ABHD6: variants seen among roughly 807,000 people sequenced by gnomAD.
ABHD6 encodes abhydrolase domain containing 6, acylglycerol lipase.
A neutral mutation model predicts 38.8 loss-of-function variants in ABHD6; 33 were observed. The observed-to-expected ratio is 0.85, with a 90% CI of 0.64 to 1.14. The LOEUF is 1.14. Among genes scored for constraint, ABHD6 ranks in the 50% most tolerant of loss-of-function variants. The pLI is 0.00. For missense variants in ABHD6, 380 were observed against 422.6 expected (o/e 0.90, Z 0.88); for synonymous variants, 147 against 161.6 (o/e 0.91, Z 0.69).
rs747392615 is a variant in ABHD6 at position 58,286,533 on chromosome 3, GTC to G, written c.837+1084_837+1085del. On this transcript the variant is annotated intron_variant, in intron 9 of 9. Transcript: ENST00000478253. ...TAAACATTTTCAGCCTTGTGGTCCA[GTC>G]TCTGTCACACCTGGACACAGTTGAG... is the stretch of plus-strand genomic sequence containing the variant. Among the ~76,000 whole-genome samples the G allele has an allele frequency of 2.6e-5, 4 of 151,920 alleles. 1 individual carries two copies. The highest frequency in any genetic ancestry group is 5.9e-5 in the Non-Finnish European group (4 of 67,986).
chr3:58,265,720 G>T lies in ABHD6; in HGVS notation c.120-1469G>T, dbSNP rs1291256541. ...ATTTGTTTGGCTTATTGTTCTGGAG[G>T]TTGGGAAGCCCAAGAGAATGGCACC... On this transcript the variant is annotated intron_variant, in intron 3 of 9. Transcript: ENST00000478253. This position sits in a 1 kb window ranked among gnomAD's most constrained non-coding sequence, Gnocchi z 4.2. Among the ~76,000 whole-genome samples, 1 of 152,206 alleles carries T rather than the reference G, an allele frequency of 6.6e-6. No individual in the cohort carries two copies. The highest frequency in any genetic ancestry group is 1.5e-5 in the Non-Finnish European group (1 of 68,038).
At position 58,257,454 on chromosome 3, in the gene ABHD6, C is replaced by G. The variant is rs1343528782; in HGVS notation, c.119+749C>G. On this transcript the variant is annotated intron_variant, in intron 3 of 9. Coordinates refer to ENST00000478253, the MANE Select transcript of ABHD6 (RefSeq NM_001320126.2). This position sits in a 1 kb window ranked among gnomAD's most constrained non-coding sequence, Gnocchi z 4.8. ...CTCGGCTCACTGCAACCTCTGCCTC[C>G]CAGGCTCAAGCGATTCTCTTGCCTC... Among the ~76,000 whole-genome samples the G allele has an allele frequency of 1.3e-5, 2 of 152,008 alleles. No individual in the cohort carries two copies. The highest frequency in any genetic ancestry group is 3.9e-4 in the East Asian group (2 of 5,160).
chr3:58,245,996 C>T (rs555546525), intron 1 of ABHD6, among the ~76,000 whole-genome samples: 1 of 152,316 alleles, frequency 6.6e-6, no homozygotes, highest in African/African-American at 2.4e-5. Flanking sequence ...TAATTCCTTT[C>T]AGCCATGTGG....
In ABHD6 at chr3:58,267,183, T is replaced by C. The variant is rs1388579834; in HGVS notation, c.120-6T>C. 2 of 1,613,696 alleles carry C rather than the reference T, an allele frequency of 1.2e-6. No individual in the cohort carries two copies. The highest frequency in any genetic ancestry group is 2.2e-5 in the East Asian group (1 of 44,868). ...TCGTTTTGTCTTTATTTCTCACCCC[T>C]TCCAGGTACTGGCGGAGGACATTGG... On this transcript the variant is annotated splice_polypyrimidine_tract_variant and splice_region_variant and intron_variant, in intron 3 of 9. Coordinates refer to ENST00000478253, the MANE Select transcript of ABHD6 (RefSeq NM_001320126.2). The surrounding 1 kb of genome is among the most constrained non-coding windows in gnomAD (Gnocchi z 4.3).
rs557777284 is a variant in ABHD6, at chr3:58,274,927, C to T, written c.681+112C>T. ...CTACTCATTGACTACTTCTTGTCCT[C>T]TTCTGCATATATTCAGCAAGTGTCT... On this transcript the variant is annotated intron_variant, in intron 7 of 9. Transcript: ENST00000478253. The T allele has an allele frequency of 3.9e-6, 5 of 1,286,084 alleles. No homozygotes were observed. The South Asian group carries it at 7.0e-5, about 18-fold the overall frequency. 79.7% of individuals were successfully genotyped at this position (1,286,084 alleles called of 1,614,324 possible).
At chr3:58,286,653 C>T (rs1013745793) in intron 9 of ABHD6, among the ~76,000 whole-genome samples, 1 of 151,244 alleles carries the variant, frequency 6.6e-6, no homozygotes, top group African/African-American at 2.4e-5. Flanking sequence ...TAAAAACGGG[C>T]AGTGAGCCAT....
At chr3:58,270,823 T>G (rs527246611) in intron 5 of ABHD6, 109 bp from the exon 6 acceptor site, 1 of 1,238,966 alleles carries the variant, frequency 8.1e-7, no homozygotes, top group Non-Finnish European at 1.1e-6. Context: ...CTTTAAACAG[T>G]AGTCATTTTC....
At chr3:58,288,364 A>G (rs780041371) in intron 9 of ABHD6, among the ~76,000 whole-genome samples, 2 of 152,210 alleles carry the variant, frequency 1.3e-5, no homozygotes, top group Non-Finnish European at 2.9e-5. Flanking sequence ...TTTGGTCTGT[A>G]TACAACCTGT....
intron 2 of ABHD6, among the ~76,000 whole-genome samples, chr3:58,253,093 T>C (rs2097431057): frequency 6.6e-6 from 1 of 152,058 alleles, no homozygotes; most frequent in South Asian, 2.1e-4. Context: ...TGCTGTTAAA[T>C]AGAAGATGGA....
rs1422991840 is a variant in ABHD6, at chr3:58,287,782, A to G, written c.837+2329A>G. 6.6e-6 allele frequency among the ~76,000 whole-genome samples: 1 copy of G among 152,218 alleles called. No individual in the cohort carries two copies. The highest frequency in any genetic ancestry group is 2.1e-4 in the South Asian group (1 of 4,838). On this transcript the variant is annotated intron_variant, in intron 9 of 9. Transcript: ENST00000478253. The surrounding 1 kb of genome is among the most constrained non-coding windows in gnomAD (Gnocchi z 4.7). ...CACTGGCCTTGGATTCTGAAAGTCT[A>G]TGTTCCAGCCCTACTTTTGTCCTTG...
At chr3:58,288,364 A>C (rs780041371) in intron 9 of ABHD6, among the ~76,000 whole-genome samples, 1 of 152,210 alleles carries the variant, frequency 6.6e-6, no homozygotes, top group African/African-American at 2.4e-5. Flanking sequence ...TTTGGTCTGT[A>C]TACAACCTGT....
Position 58,293,562 on chromosome 3 carries a change from C to T in ABHD6, c.838-27C>T, listed in dbSNP as rs1327485195. 1 of 1,610,514 alleles carries T rather than the reference C, an allele frequency of 6.2e-7. No homozygotes were observed. Among genetic ancestry groups the T allele is most frequent in the South Asian group, 1.1e-5 (1 of 90,736 alleles). ...CGTGGGTGTCTGAATCTTTGTGTAT[C>T]ATCCAGCTCCCTTTCTTGCCCAGCA... On this transcript the variant is annotated intron_variant, in intron 9 of 9. Transcript: ENST00000478253. The surrounding 1 kb of genome is among the most constrained non-coding windows in gnomAD (Gnocchi z 4.4).
At position 58,267,666 on chromosome 3, in the gene ABHD6, AAAAAAT is replaced by A. The variant is rs1399104336; in HGVS notation, c.276+333_276+338del. 6.6e-6 allele frequency among the ~76,000 whole-genome samples: 1 copy of A among 152,076 alleles called. No individual in the cohort carries two copies. ...GCAACAGAATAAGACTCTGTCTCAA[AAAAAAT>A]AAAAATAAAAAAAGGAAGAAGAAGA... is the stretch of plus-strand genomic sequence containing the variant. On this transcript the variant is annotated intron_variant, in intron 4 of 9. Coordinates refer to ENST00000478253, the MANE Select transcript of ABHD6 (RefSeq NM_001320126.2). The surrounding 1 kb of genome is among the most constrained non-coding windows in gnomAD (Gnocchi z 4.3).
Position 58,259,750 on chromosome 3 carries a change from A to G in ABHD6, c.119+3045A>G, listed in dbSNP as rs1559774737. ...AAATGTACAATTCAGTGGTTTTAAT[A>G]TATTCAGAGTGTTGTACAACCATTA... On this transcript the variant is annotated intron_variant, in intron 3 of 9. Transcript: ENST00000478253. The surrounding 1 kb of genome is among the most constrained non-coding windows in gnomAD (Gnocchi z 4.7). 6.6e-6 allele frequency among the ~76,000 whole-genome samples: 1 copy of G among 152,218 alleles called. No homozygotes were observed. The highest frequency in any genetic ancestry group is 1.5e-5 in the Non-Finnish European group (1 of 68,046).
At chr3:58,242,508 C>G (rs891762580) in intron 1 of ABHD6, among the ~76,000 whole-genome samples, 2 of 152,220 alleles carry the variant, frequency 1.3e-5, no homozygotes, top group Non-Finnish European at 2.9e-5. Context: ...GACTTCTCCC[C>G]CTAAGGCTGT....
At chr3:58,289,725 T>C (rs902472112) in intron 9 of ABHD6, among the ~76,000 whole-genome samples, 1 of 152,240 alleles carries the variant, frequency 6.6e-6, no homozygotes, top group African/African-American at 2.4e-5. Flanking sequence ...ATTGTCATCA[T>C]GGCCTATTCT....
chr3:58,278,860 C>T (rs1364351369), intron 7 of ABHD6, among the ~76,000 whole-genome samples: 1 of 152,038 alleles, frequency 6.6e-6, no homozygotes, highest in African/African-American at 2.4e-5. Context: ...CGATATTTAC[C>T]CAGTAGTCAT....
At chr3:58,248,861 G>A (rs747198773) in intron 1 of ABHD6, among the ~76,000 whole-genome samples, 1 of 152,208 alleles carries the variant, frequency 6.6e-6, no homozygotes, top group African/African-American at 2.4e-5. Flanking sequence ...AGCACAGTCT[G>A]TATTAAACTT....
At chr3:58,292,772 C>T (rs1249424446) in intron 9 of ABHD6, among the ~76,000 whole-genome samples, 2 of 152,122 alleles carry the variant, frequency 1.3e-5, no homozygotes, top group African/African-American at 4.8e-5. Flanking sequence ...CAAAAATTAG[C>T]TGGGCATGGT....
Sources: gnomAD v4.1 joint callset for allele counts (sites outside exome capture counted in the v4.1 genomes callset) on GRCh38, gnomAD v4.1.1 for gene constraint, Gnocchi (gnomAD v3.1) non-coding constraint, MANE v1.5 for transcripts, NCBI Gene and HGNC (gene_info 2026-07-23, HGNC 2026-07-21) for gene names.